The following EPM2A variants were observed in gnomAD, a reference collection of about 807,000 sequenced individuals.
EPM2A encodes laforin.
In EPM2A, 21 loss-of-function variants were observed where a neutral mutation model predicts 26.5. The ratio of observed to expected loss-of-function variants is 0.79; its 90% CI spans 0.56 to 1.14. EPM2A has a LOEUF of 1.14. Ranked by LOEUF, EPM2A falls within the 50% of genes most tolerant of loss-of-function variation. The pLI is 0.00. For synonymous variants in EPM2A, 217 were observed against 177.6 expected (o/e 1.22, Z -1.76); for missense variants, 458 against 440.8 (o/e 1.04, Z -0.35).
At chr6:145,693,484 T>C (rs1781397181) in intron 1 of EPM2A, among the ~76,000 whole-genome samples, 1 of 151,938 alleles carries the variant, frequency 6.6e-6, no homozygotes, top group Non-Finnish European at 1.5e-5. Flanking sequence ...TGGATATACA[T>C]GAACATACAG....
At chr6:145,388,776 T>C (rs1243904414) in intron 4 of EPM2A, among the ~76,000 whole-genome samples, 2 of 152,186 alleles carry the variant, frequency 1.3e-5, no homozygotes, top group African/African-American at 4.8e-5. Flanking sequence ...TGGTTTTCTG[T>C]TCCTGCGTTA....
chr6:145,520,804 T>C (rs1158452152), intron 2 of EPM2A, among the ~76,000 whole-genome samples: 2 of 152,120 alleles, frequency 1.3e-5, no homozygotes, highest in Non-Finnish European at 2.9e-5. Flanking sequence ...AGGATTGGGA[T>C]GGCTAAGGGA....
chr6:145,552,705 G>C (rs1327158000), intron 2 of EPM2A, among the ~76,000 whole-genome samples: 2 of 152,044 alleles, frequency 1.3e-5, no homozygotes, highest in African/African-American at 2.4e-5. Context: ...TTAAATTAAT[G>C]GCTAGTTTAT....
At chr6:145,466,155 A>C (rs1445283556) in intron 4 of EPM2A, among the ~76,000 whole-genome samples, 1 of 134,318 alleles carries the variant, frequency 7.4e-6, no homozygotes, top group Non-Finnish European at 1.6e-5. Context: ...AATTAAACTC[A>C]AGAGCTTCTG....
chr6:145,638,422 A>C (rs552331881), intron 2 of EPM2A: 6 of 152,332 alleles, frequency 3.9e-5, no homozygotes, highest in East Asian at 1.9e-4. Context: ...CTGGCCTTCA[A>C]ATGTTTTTAA....
Position 145,626,224 on chromosome 6 carries a change from G to C in EPM2A, c.*1192C>G. The C allele has an allele frequency of 1.0e-6, 1 of 991,610 alleles. No homozygotes were observed. The highest frequency in any genetic ancestry group is 1.2e-6 in the Non-Finnish European group (1 of 833,638). 61.4% of individuals were successfully genotyped at this position (991,610 alleles called of 1,614,324 possible). A position where few individuals can be genotyped will look rare whatever the true frequency, so the allele number is the denominator to read the frequency against. On this transcript the variant is annotated 3_prime_UTR_variant, in exon 4 of 4. Coordinates refer to ENST00000367519, the MANE Select transcript of EPM2A (RefSeq NM_005670.4). ...GTCTGTTTCTAGGCAGCACATTTTT[G>C]AAGGCAAAGTTGTTCATCTCTGTAT...
intron 2 of EPM2A, among the ~76,000 whole-genome samples, chr6:145,676,179 G>A (rs1279184154): frequency 1.3e-5 from 2 of 152,068 alleles, no homozygotes; most frequent in Non-Finnish European, 2.9e-5. Context: ...AATGACTACT[G>A]GATAAATAAT....
At chr6:145,487,218 C>T (rs923065585) in intron 4 of EPM2A, among the ~76,000 whole-genome samples, 10 of 152,186 alleles carry the variant, frequency 6.6e-5, no homozygotes, top group Non-Finnish European at 1.3e-4. Context: ...ATATGTACCA[C>T]ATTTTCTTTA....
intron 4 of EPM2A, among the ~76,000 whole-genome samples, chr6:145,476,283 G>A (rs1434953204): frequency 6.6e-6 from 1 of 151,898 alleles, no homozygotes; most frequent in East Asian, 1.9e-4. Context: ...GTATATAAAG[G>A]AAATATCATT....
chr6:145,617,076 G>A (rs1221787554), intron 2 of EPM2A, among the ~76,000 whole-genome samples: 1 of 152,124 alleles, frequency 6.6e-6, no homozygotes, highest in Non-Finnish European at 1.5e-5. Flanking sequence ...ATATGGATTG[G>A]CTGTGTCCCT....
intron 3 of EPM2A, chr6:145,627,897 G>A (rs1582914164): frequency 1.5e-6 from 1 of 679,988 alleles, no homozygotes; most frequent in East Asian, 2.7e-5. Flanking sequence ...GCATTCCAGA[G>A]GCCAGAGGCT....
intron 4 of EPM2A, among the ~76,000 whole-genome samples, chr6:145,437,489 T>C (rs1779004711): frequency 6.6e-6 from 1 of 152,048 alleles, no homozygotes; most frequent in Non-Finnish European, 1.5e-5. Flanking sequence ...ACCTAACAAA[T>C]GAAAAAAAGC....
chr6:145,392,847 G>A (rs1778356088), intron 4 of EPM2A, among the ~76,000 whole-genome samples: 1 of 151,998 alleles, frequency 6.6e-6, no homozygotes, highest in Non-Finnish European at 1.5e-5. Context: ...TACTTATGTG[G>A]GAAGCAGCCT....
intron 2 of EPM2A, among the ~76,000 whole-genome samples, chr6:145,526,138 A>C (rs1044649244): frequency 6.6e-6 from 1 of 152,052 alleles, no homozygotes; most frequent in Admixed American, 6.6e-5. Flanking sequence ...TCCCAGGAAG[A>C]AAGCCTACTT....
intron 2 of EPM2A, among the ~76,000 whole-genome samples, chr6:145,539,346 TA>T (rs1486623933): frequency 1.3e-5 from 2 of 152,224 alleles, no homozygotes; most frequent in African/African-American, 2.4e-5. Flanking sequence ...AGGGGATTTT[TA>T]TTTTTTAGAA....
chr6:145,482,542 A>C (rs1055459905), intron 4 of EPM2A, among the ~76,000 whole-genome samples: 1 of 152,120 alleles, frequency 6.6e-6, no homozygotes. Flanking sequence ...AATTGCTGCT[A>C]GTGTAAAATG....
intron 4 of EPM2A, among the ~76,000 whole-genome samples, chr6:145,416,683 T>C (rs888047025): frequency 6.6e-6 from 1 of 152,180 alleles, no homozygotes; most frequent in Non-Finnish European, 1.5e-5. Context: ...GAATAAGTTG[T>C]CCCATATTTC....
intron 2 of EPM2A, among the ~76,000 whole-genome samples, chr6:145,577,578 A>AC (rs34386537): frequency 0.12 from 18,037 of 147,912 alleles, 2,457 homozygotes; most frequent in African/African-American, 0.35. Context: ...AGAAATGTAG[A>AC]CCCCCCCCCA....
chr6:145,635,696 T>C lies in EPM2A; in HGVS notation c.477-210A>G, dbSNP rs1776611005. 5.4e-6 allele frequency: 3 copies of C among 556,144 alleles called. No homozygotes were observed. In the South Asian group the frequency reaches 6.2e-5, roughly 12 times the overall value. The allele number at this position is 556,144 out of a possible 1,614,324, so 34.5% of individuals were successfully genotyped here. On this transcript the variant is annotated intron_variant, in intron 2 of 3. Transcript: ENST00000367519. ...GGGGAAAGCAAGTATTTCAATTAAC[T>C]AGAACGCCAGGAAATGGACATTTGC... is the stretch of plus-strand genomic sequence containing the variant.
Sources: allele counts gnomAD v4.1 joint callset (sites outside exome capture counted in the v4.1 genomes callset), GRCh38; gene constraint gnomAD v4.1.1; transcripts MANE v1.5; gene names NCBI Gene and HGNC (gene_info 2026-07-23, HGNC 2026-07-21).